EEPD1: variants seen among roughly 807,000 people sequenced by gnomAD.
EEPD1 encodes the protein endonuclease/exonuclease/phosphatase family domain-containing protein 1.
EEPD1 carries 17 observed loss-of-function variants against 46.3 expected under a neutral mutation model. The ratio of observed to expected loss-of-function variants is 0.37; its 90% confidence interval spans 0.25 to 0.55. The LOEUF is 0.55. Among genes scored for constraint, EEPD1 ranks in the 20% least tolerant of loss-of-function variants. EEPD1 has a pLI of 0.83. For synonymous variants in EEPD1, 313 were observed against 315.6 expected (o/e 0.99, Z 0.09); for missense variants, 673 against 745.6 (o/e 0.90, Z 1.13).
chr7:36,181,492 G>C (rs1194219781), intron 2 of EEPD1, among the ~76,000 whole-genome samples: 2 of 152,176 alleles, frequency 1.3e-5, no homozygotes. Flanking sequence ...CTGACACCTA[G>C]GAGGCAGAAA....
chr7:36,220,657 T>G (rs1786128894), intron 2 of EEPD1, among the ~76,000 whole-genome samples: 1 of 152,220 alleles, frequency 6.6e-6, no homozygotes, highest in African/African-American at 2.4e-5. Context: ...CGACTCCATC[T>G]CATATCCTGC....
Position 36,154,938 on chromosome 7 carries a change from C to T in EEPD1, c.614C>T (p.Thr205Ile). The change falls in exon 2 of 8, where the codon ACC becomes ATC. Residue 205 changes from threonine (T) to isoleucine (I), a missense_variant. Transcript: ENST00000242108. The surrounding 1 kb of genome is among the most constrained non-coding windows in gnomAD (Gnocchi z 4.2). ...GCTGAGAGGTCCAGGCCCCCATCCA[C>T]CCACACGAACGGGGGACTGACCTTC... ...VFAERSRPPS[T>I]HTNGGLTFTA... 2 of 1,614,074 alleles carry T rather than the reference C, an allele frequency of 1.2e-6. No homozygotes were observed. The highest frequency in any genetic ancestry group is 1.7e-6 in the Non-Finnish European group (2 of 1,180,010).
At chr7:36,231,491 C>T (rs986454700) in intron 2 of EEPD1, among the ~76,000 whole-genome samples, 4 of 152,078 alleles carry the variant, frequency 2.6e-5, no homozygotes, top group East Asian at 1.9e-4. Flanking sequence ...AGCTCCAGGC[C>T]ACTAACAGAC....
chr7:36,182,787 G>A (rs939405182), intron 2 of EEPD1, among the ~76,000 whole-genome samples: 11 of 152,218 alleles, frequency 7.2e-5, no homozygotes, highest in Non-Finnish European at 1.5e-4. Flanking sequence ...TGATGGACAC[G>A]GGACCAATTC....
rs185539735 is a variant in EEPD1 at position 36,154,191 on chromosome 7, A to G, written c.-134A>G. 9.1e-5 allele frequency: 103 copies of G among 1,133,292 alleles called. No homozygotes were observed. In the East Asian group the frequency reaches 2.5e-3, roughly 27 times the overall value. 70.2% of individuals were successfully genotyped at this position (1,133,292 alleles called of 1,614,324 possible). A position where few individuals can be genotyped will look rare whatever the true frequency, so the allele number is the denominator to read the frequency against. ...GGCATGGAAGATTCGGTGTTTGTCT[A>G]TAGTAACCTCTTCAGTCCCTGAATC... On this transcript the variant is annotated 5_prime_UTR_variant, in exon 2 of 8. Transcript: ENST00000242108. This position sits in a 1 kb window ranked among gnomAD's most constrained non-coding sequence, Gnocchi z 4.2.
intron 2 of EEPD1, among the ~76,000 whole-genome samples, chr7:36,222,765 C>T (rs747154066): frequency 8.5e-5 from 13 of 152,140 alleles, no homozygotes; most frequent in Non-Finnish European, 1.3e-4. Flanking sequence ...GTGGAAGGAG[C>T]AAAGCAGCTC....
chr7:36,179,140 G>A (rs1307440986), intron 2 of EEPD1, among the ~76,000 whole-genome samples: 1 of 152,192 alleles, frequency 6.6e-6, no homozygotes, highest in Non-Finnish European at 1.5e-5. Context: ...TTTGAGTGAA[G>A]CAATGTCCTG....
chr7:36,274,771 T>G (rs530876271), intron 3 of EEPD1, among the ~76,000 whole-genome samples: 174 of 152,296 alleles, frequency 1.1e-3, no homozygotes, highest in African/African-American at 4.1e-3. Context: ...CCCACAGATA[T>G]CCTCAGGTTC....
At chr7:36,197,200 G>A (rs1250755340) in intron 2 of EEPD1, among the ~76,000 whole-genome samples, 3 of 151,108 alleles carry the variant, frequency 2.0e-5, no homozygotes, top group African/African-American at 7.3e-5. Flanking sequence ...GGGAAGTGAG[G>A]AGCGTCTCCG....
rs749557270 is a variant in EEPD1 at position 36,182,593 on chromosome 7, A to G, written c.878+27391A>G. ...TGTCATTAACACCAAACCACTCGCC[A>G]GCGTTTGCCCCGCCTGGGGCCCCGC... is the stretch of plus-strand genomic sequence containing the variant. On this transcript the variant is annotated intron_variant, in intron 2 of 7. Coordinates refer to ENST00000242108, the MANE Select transcript of EEPD1 (RefSeq NM_030636.3). 9.8e-4 allele frequency among the ~76,000 whole-genome samples: 149 copies of G among 152,380 alleles called. 1 individual carries two copies. Among genetic ancestry groups the G allele is most frequent in the South Asian group, 2.7e-3 (13 of 4,830 alleles).
intron 2 of EEPD1, among the ~76,000 whole-genome samples, chr7:36,216,007 T>A (rs376597817): frequency 2.0e-5 from 3 of 152,290 alleles, no homozygotes; most frequent in East Asian, 1.9e-4. Flanking sequence ...TTCAAATACC[T>A]TTTTTTCCCT....
At chr7:36,267,906 T>C (rs955730569) in intron 3 of EEPD1, among the ~76,000 whole-genome samples, 10 of 152,126 alleles carry the variant, frequency 6.6e-5, no homozygotes, top group African/African-American at 2.4e-4. Flanking sequence ...AGACATGAGA[T>C]AGATTATCTA....
chr7:36,165,036 G>A (rs1346206514), intron 2 of EEPD1, among the ~76,000 whole-genome samples: 2 of 146,594 alleles, frequency 1.4e-5, no homozygotes, highest in Non-Finnish European at 3.0e-5. Context: ...TAATTTATTA[G>A]TGAAGAAAGA....
intron 2 of EEPD1, among the ~76,000 whole-genome samples, chr7:36,201,209 A>T (rs1208101474): frequency 6.6e-6 from 1 of 152,194 alleles, no homozygotes; most frequent in Non-Finnish European, 1.5e-5. Context: ...TGGAGGAGAC[A>T]AGGAGAGATG....
chr7:36,179,394 A>G (rs1226999339), intron 2 of EEPD1, among the ~76,000 whole-genome samples: 1 of 152,176 alleles, frequency 6.6e-6, no homozygotes, highest in Non-Finnish European at 1.5e-5. Flanking sequence ...CAAATGCTAT[A>G]AAGATGGTTG....
intron 3 of EEPD1, among the ~76,000 whole-genome samples, chr7:36,262,889 T>TA (rs1786951574): frequency 6.6e-6 from 1 of 152,110 alleles, no homozygotes; most frequent in Non-Finnish European, 1.5e-5. Flanking sequence ...AATATTATTT[T>TA]AGAGAGACAG....
intron 2 of EEPD1, among the ~76,000 whole-genome samples, chr7:36,199,476 G>A (rs948144598): frequency 1.3e-5 from 2 of 152,054 alleles, no homozygotes; most frequent in African/African-American, 4.8e-5. Context: ...GCATTTTTTG[G>A]GAATGAGGCC....
At chr7:36,180,480 G>C (rs1194198855) in intron 2 of EEPD1, among the ~76,000 whole-genome samples, 2 of 152,180 alleles carry the variant, frequency 1.3e-5, no homozygotes, top group Admixed American at 6.5e-5. Flanking sequence ...TGGCCTTACT[G>C]TTGGAATACT....
chr7:36,188,299 A>G (rs758658505), intron 2 of EEPD1, among the ~76,000 whole-genome samples: 2 of 152,142 alleles, frequency 1.3e-5, no homozygotes, highest in African/African-American at 4.8e-5. Flanking sequence ...TATAGCAATA[A>G]TGATTGTATT....
Sources: gnomAD v4.1 joint callset for allele counts (sites outside exome capture counted in the v4.1 genomes callset) on GRCh38, gnomAD v4.1.1 for gene constraint, Gnocchi (gnomAD v3.1) non-coding constraint, MANE v1.5 for transcripts, NCBI Gene and HGNC (gene_info 2026-07-23, HGNC 2026-07-21) for gene names.